CRYZL1: variants seen among roughly 807,000 people sequenced by gnomAD.
CRYZL1 encodes ferry endosomal RAB5 effector complex subunit 4.
CRYZL1 carries 34 observed loss-of-function variants against 50.6 expected under a neutral mutation model. That is an observed-to-expected ratio of 0.67 (90% CI 0.51 to 0.89). The LOEUF (loss-of-function observed/expected upper bound fraction) is 0.89. CRYZL1 is among the 40% of genes least tolerant of loss of function. CRYZL1 has a pLI of 0.00. For synonymous variants in CRYZL1, 125 were observed against 134.3 expected, an observed-to-expected ratio of 0.93 and a Z score of 0.48; for missense variants, 354 against 402.3, an observed-to-expected ratio of 0.88 and a Z score of 1.03.
chr21:33,632,840 G>A, intron 1 of CRYZL1, among the ~76,000 whole-genome samples: 1 of 152,204 alleles, frequency 6.6e-6, no homozygotes, highest in African/African-American at 2.4e-5. Context: ...TTTACAGTGT[G>A]AATATGCCCA....
chr21:33,635,558 G>C lies in CRYZL1; in HGVS notation c.-6-4001C>G, dbSNP rs192802102. ...TTTAGTACAGACGGGGTTTCACCGT[G>C]TTAGCTAGGATGGTCTTGATCTCCT... is the stretch of plus-strand genomic sequence containing the variant. On this transcript the variant is annotated intron_variant, in intron 1 of 12. Transcript: ENST00000381554. Among the ~76,000 whole-genome samples the C allele has an allele frequency of 3.4e-3, 517 of 151,626 alleles. 4 individuals are homozygous for C. The highest frequency in any genetic ancestry group is 0.012 in the African/African-American group (488 of 41,470).
At chr21:33,602,760 TA>T (rs2086770022) in intron 7 of CRYZL1, among the ~76,000 whole-genome samples, 1 of 152,228 alleles carries the variant, frequency 6.6e-6, no homozygotes, top group Admixed American at 6.5e-5. Flanking sequence ...TGTTCAGACC[TA>T]TAGGGTAAGT....
intron 4 of CRYZL1, 92 bp from the exon 5 acceptor site, chr21:33,616,842 G>T: frequency 8.6e-7 from 1 of 1,157,102 alleles, no homozygotes. Context: ...CTGTGGATTT[G>T]TAAAAAGACT....
chr21:33,597,506 A>G, intron 9 of CRYZL1, 105 bp from the exon 10 acceptor site: 1 of 914,662 alleles, frequency 1.1e-6, no homozygotes, highest in Non-Finnish European at 1.7e-6. Flanking sequence ...TTTAGAGACA[A>G]GGTCTTACTA....
chr21:33,627,880 G>C (rs1481644977), intron 2 of CRYZL1, among the ~76,000 whole-genome samples: 1 of 151,790 alleles, frequency 6.6e-6, no homozygotes, highest in Non-Finnish European at 1.5e-5. Context: ...GAGTAGCTGG[G>C]ACTACAGGCA....
intron 1 of CRYZL1, among the ~76,000 whole-genome samples, chr21:33,632,774 A>G (rs1038899170): frequency 6.6e-6 from 1 of 152,214 alleles, no homozygotes. Flanking sequence ...CAAATTTTAC[A>G]GAAGTATAAA....
chr21:33,601,055 G>T (rs2086751446), intron 8 of CRYZL1, among the ~76,000 whole-genome samples: 1 of 148,858 alleles, frequency 6.7e-6, no homozygotes, highest in Non-Finnish European at 1.5e-5. Context: ...TCCTGCCTTA[G>T]CCTCCTGAGT....
At chr21:33,603,866 C>T (rs963628085) in intron 6 of CRYZL1, among the ~76,000 whole-genome samples, 4 of 152,248 alleles carry the variant, frequency 2.6e-5, no homozygotes, top group African/African-American at 9.6e-5. Context: ...GCACAACCAT[C>T]ACCCCAGCAG....
At position 33,639,540 on chromosome 21, in the gene CRYZL1, C is replaced by A. The variant is rs74331263; in HGVS notation, c.-7+2141G>T. Among the ~76,000 whole-genome samples the A allele has an allele frequency of 3.6e-3, 548 of 152,194 alleles. 1 individual carries two copies. Among genetic ancestry groups the A allele is most frequent in the East Asian group, 0.02 (105 of 5,178 alleles). On this transcript the variant is annotated intron_variant, in intron 1 of 12. Transcript: ENST00000381554. Reference sequence around the variant, plus strand: ...AGAATAACTAATTGAGGGATCCTCCCGAAACTCTACCACACAACAGTTACT... The same window carrying A: ...AGAATAACTAATTGAGGGATCCTCCAGAAACTCTACCACACAACAGTTACT...
At chr21:33,640,228 G>T in intron 1 of CRYZL1, 1 of 1,545,412 alleles carries the variant, frequency 6.5e-7, no homozygotes, top group Non-Finnish European at 8.7e-7. Flanking sequence ...ATATTTCATT[G>T]CACAAGGCTG....
intron 1 of CRYZL1, among the ~76,000 whole-genome samples, chr21:33,633,353 T>C (rs1225532271): frequency 1.3e-5 from 2 of 152,214 alleles, no homozygotes; most frequent in East Asian, 3.8e-4. Context: ...TCATTACTCC[T>C]AACCATGGCT....
At chr21:33,616,987 A>C in intron 4 of CRYZL1, 1 of 286,892 alleles carries the variant, frequency 3.5e-6, no homozygotes, top group Non-Finnish European at 6.4e-6. Flanking sequence ...GACCAGGAGA[A>C]GTATCTCTCT....
intron 8 of CRYZL1, among the ~76,000 whole-genome samples, chr21:33,600,933 G>GTTTTGT (rs2086747198): frequency 1.0e-4 from 6 of 59,520 alleles, no homozygotes; most frequent in African/African-American, 3.8e-4. Context: ...GGTCCATAAA[G>GTTTTGT]TTTTTTTTTT....
chr21:33,591,934 C>T (rs1370947924), intron 11 of CRYZL1, among the ~76,000 whole-genome samples: 1 of 138,112 alleles, frequency 7.2e-6, no homozygotes, highest in Non-Finnish European at 1.5e-5. Context: ...CCAGCCAGGG[C>T]AACAGAGCAA....
At chr21:33,610,968 C>T (rs1230483855) in intron 6 of CRYZL1, among the ~76,000 whole-genome samples, 4 of 151,350 alleles carry the variant, frequency 2.6e-5, no homozygotes, top group African/African-American at 9.7e-5. Context: ...TGACCTCAGG[C>T]GATCCACCCA....
chr21:33,616,991 T>C (rs2086941715), intron 4 of CRYZL1: 1 of 278,184 alleles, frequency 3.6e-6, no homozygotes, highest in African/African-American at 2.2e-5. Context: ...AGGAGAAGTA[T>C]CTCTCTCTTT....
intron 5 of CRYZL1, 65 bp downstream of exon 5, chr21:33,616,641 T>C (rs1237398966): frequency 2.5e-6 from 4 of 1,601,946 alleles, no homozygotes; most frequent in Admixed American, 1.7e-5. Flanking sequence ...TTAATAGTTA[T>C]ATAGAAAAAA....
intron 4 of CRYZL1, among the ~76,000 whole-genome samples, chr21:33,618,326 T>C (rs985093690): frequency 8.7e-5 from 13 of 149,720 alleles, no homozygotes; most frequent in Non-Finnish European, 1.8e-4. Context: ...TATAGTTACA[T>C]TTTCTCTGCA....
Position 33,610,429 on chromosome 21 carries a change from T to C in CRYZL1, c.331+3109A>G, listed in dbSNP as rs2086859508. Among the ~76,000 whole-genome samples, 3 of 152,180 alleles carry C rather than the reference T, an allele frequency of 2.0e-5. No individual in the cohort carries two copies. The South Asian group carries it at 6.2e-4, about 32-fold the overall frequency. On this transcript the variant is annotated intron_variant, in intron 6 of 12. Transcript: ENST00000381554. The stretch of plus-strand genomic sequence containing the variant: ...CCTTGGCCTCCCAAAGTGCTGGGAT[T>C]ACAGGCATGAGCCACCACGCCTGTC...
Sources: allele counts gnomAD v4.1 joint callset (sites outside exome capture counted in the v4.1 genomes callset), GRCh38; gene constraint gnomAD v4.1.1; transcripts MANE v1.5; gene names NCBI Gene and HGNC (gene_info 2026-07-23, HGNC 2026-07-21).